Variants in EDN2 observed in about 807,000 individuals in gnomAD.
EDN2 encodes the protein endothelin 2.
In EDN2, 10 loss-of-function variants were observed where a neutral mutation model predicts 19.9. The observed-to-expected ratio is 0.50, with a 90% CI of 0.31 to 0.85. The LOEUF is 0.85. Ranked by LOEUF, EDN2 falls within the 40% of genes least tolerant of loss-of-function variation. The pLI is 0.05. For synonymous variants in EDN2, 84 were observed against 94.9 expected, an observed-to-expected ratio of 0.89 and a Z score of 0.67; for missense variants, 222 against 239.3, an observed-to-expected ratio of 0.93 and a Z score of 0.48.
At chr1:41,482,077 G>A (rs1490076327) in intron 3 of EDN2, among the ~76,000 whole-genome samples, 4 of 152,194 alleles carry the variant, frequency 2.6e-5, no homozygotes, top group East Asian at 3.9e-4. Context: ...ACCTCAGGTC[G>A]GAATCCAAAG....
chr1:41,481,245 C>T, intron 3 of EDN2, 52 bp from the exon 4 acceptor site: 2 of 1,529,032 alleles, frequency 1.3e-6, no homozygotes, highest in South Asian at 1.1e-5. Flanking sequence ...GGCCCTGAAG[C>T]TACCTGGCTG....
intron 4 of EDN2, chr1:41,480,732 G>GCAGC: frequency 2.1e-6 from 1 of 482,150 alleles, no homozygotes; most frequent in East Asian, 6.2e-5. Context: ...TGCAATCTGG[G>GCAGC]CAGCAGAGAG....
rs149196973 is a variant in EDN2 at position 41,481,141 on chromosome 1, T to C, written c.397A>G (p.Thr133Ala). Residue 133 changes from threonine to alanine, a missense_variant, in exon 4 of 5, where the codon ACT (threonine) becomes GCT (alanine). Thr to Ala is a moderately conservative substitution (Grantham distance 58). Transcript: ENST00000372587. ...SRKSPADVFQ[T>A]GKTGATTGEL... ...CCTGTAGTGGCCCCTGTCTTGCCAG[T>C]CTGGAACACGTCTGCAGGGGACTTC... 177 of 1,614,072 alleles carry C rather than the reference T, an allele frequency of 1.1e-4. No homozygotes were observed. The African/African-American group carries it at 1.9e-3, about 18-fold the overall frequency.
chr1:41,481,259 G>C (rs967072802), intron 3 of EDN2, 66 bp from the exon 4 acceptor site: 1 of 1,340,578 alleles, frequency 7.5e-7, no homozygotes, highest in African/African-American at 1.4e-5. Flanking sequence ...CTGGCTGCAG[G>C]CCCAGCCCAG....
rs1447789068 is a variant in EDN2, at chr1:41,481,088, C to A, written c.443+7G>T. The A allele has an allele frequency of 2.5e-6, 4 of 1,611,274 alleles. No homozygotes were observed. The highest frequency in any genetic ancestry group is 3.4e-6 in the Non-Finnish European group (4 of 1,177,514). On this transcript the variant is annotated splice_region_variant and intron_variant, in intron 4 of 4. Transcript: ENST00000372587. ...GCTCAGTCTGTGCATGTGTCCCACG[C>A]CCTCACCTCAGCCTTTGGAGAAGCT...
In EDN2 at chr1:41,484,634, C is replaced by T. The variant is rs774907354; in HGVS notation, c.-33G>A. 2 of 1,551,208 alleles carry T rather than the reference C, an allele frequency of 1.3e-6. No individual in the cohort carries two copies. Among genetic ancestry groups the T allele is most frequent in the East Asian group, 2.4e-5 (1 of 40,966 alleles). On this transcript the variant is annotated 5_prime_UTR_variant, in exon 1 of 5. Transcript: ENST00000372587. ...GTGGAGCGCGCAGGCTGGACTGGAG[C>T]AGGGAGTGCCTGTTGCCAGCGTCCT...
chr1:41,479,089 G>A lies in EDN2; in HGVS notation c.*320C>T, dbSNP rs1644224120. On this transcript the variant is annotated 3_prime_UTR_variant, in exon 5 of 5. Transcript: ENST00000372587. ...CTCCTGGTTTGTAGCCCAGCAGACA[G>A]GACACTCCTCAGGACGCAGCCTCCA... 1 of 411,666 alleles carries A rather than the reference G, an allele frequency of 2.4e-6. No homozygotes were observed. The highest frequency in any genetic ancestry group is 5.6e-5 in the East Asian group (1 of 17,716). The allele number at this position is 411,666 out of a possible 1,614,324, so 25.5% of individuals were successfully genotyped here. A position where few individuals can be genotyped will look rare whatever the true frequency, so the allele number is the denominator to read the frequency against.
intron 3 of EDN2, 73 bp from the exon 4 acceptor site, chr1:41,481,266 C>T (rs1644245297): frequency 8.0e-7 from 1 of 1,249,120 alleles, no homozygotes; most frequent in Non-Finnish European, 1.1e-6. Context: ...CAGGCCCAGC[C>T]CAGCCCCCAC....
In EDN2 at chr1:41,482,534, C is replaced by A. The variant is rs138778457; in HGVS notation, c.276G>T (p.Leu92=). The A allele has an allele frequency of 3.9e-4, 618 of 1,590,720 alleles. No individual in the cohort carries two copies. Among genetic ancestry groups the A allele is most frequent in the Non-Finnish European group, 4.8e-4 (562 of 1,170,506 alleles). Residue 92 remains leucine (L), a synonymous_variant, in exon 3 of 5, where the codon CTG becomes CTT. Coordinates refer to ENST00000372587, the MANE Select transcript of EDN2 (RefSeq NM_001956.5). The part of the protein sequence containing the change: ...GNPPRRRRRS[L]PRRCQCSSAR... ...CACTGGAGCACTGACAGCGCCTTGGCAGGGAGCGGCGCCGGCGTCTTGGCG... is the reference window on the plus strand; with the variant it reads ...CACTGGAGCACTGACAGCGCCTTGGAAGGGAGCGGCGCCGGCGTCTTGGCG...
chr1:41,479,623 TGG>T, intron 4 of EDN2, 121 bp from the exon 5 acceptor site: 2 of 828,774 alleles, frequency 2.4e-6, no homozygotes, highest in Non-Finnish European at 3.9e-6. Flanking sequence ...ACAGCGGCCC[TGG>T]GGTCAGACAG....
intron 2 of EDN2, chr1:41,483,720 A>G (rs1569591622): frequency 8.7e-6 from 2 of 228,804 alleles, no homozygotes; most frequent in South Asian, 9.3e-5. Context: ...GCATTCCCCA[A>G]CCGAGGATGG....
intron 4 of EDN2, 193 bp downstream of exon 4, chr1:41,480,887 AAAGAGCACAGTGGGT>A: frequency 3.0e-6 from 2 of 669,808 alleles, no homozygotes; most frequent in Non-Finnish European, 5.5e-6. Flanking sequence ...TAGTGGTAAC[AAAGAGCACAGTGGGT>A]AAGAGCACAG....
intron 4 of EDN2, among the ~76,000 whole-genome samples, chr1:41,480,338 C>T (rs1362307169): frequency 1.3e-5 from 2 of 152,146 alleles, no homozygotes; most frequent in African/African-American, 4.8e-5. Flanking sequence ...CTGTGAGGAA[C>T]CCTCAGTGAC....
In EDN2 at chr1:41,484,586, T is replaced by A; in HGVS notation, c.16A>T (p.Thr6Ser). The change falls in exon 1 of 5, where the codon ACC (threonine) becomes TCC (serine). Residue 6 changes from threonine to serine, a missense_variant. By Grantham distance (58) the Thr-to-Ser change is moderately conservative. Transcript: ENST00000372587. MVSVP[T>S]TWCSVALALL... ...GCTAGCGCAACGGAGCACCAGGTGG[T>A]AGGCACGGAGACCATAGCGGCGGTG... 6.4e-7 allele frequency: 1 copy of A among 1,560,086 alleles called. No individual in the cohort carries two copies. The highest frequency in any genetic ancestry group is 8.7e-7 in the Non-Finnish European group (1 of 1,152,150).
At chr1:41,481,566 T>A (rs1282612222) in intron 3 of EDN2, among the ~76,000 whole-genome samples, 1 of 146,732 alleles carries the variant, frequency 6.8e-6, no homozygotes, top group Non-Finnish European at 1.5e-5. Context: ...TGAGACTGAG[T>A]TTCACTCTTG....
chr1:41,482,725 C>T lies in EDN2; in HGVS notation c.222-137G>A. ...CTGTCCACACTGCCCACTGGGACAG[C>T]CACCCATGCCAGCAGGGTGCCAATG... On this transcript the variant is annotated intron_variant, in intron 2 of 4. Transcript: ENST00000372587. 5 of 1,215,380 alleles carry T rather than the reference C, an allele frequency of 4.1e-6. No individual in the cohort carries two copies. The South Asian group carries it at 5.7e-5, about 14-fold the overall frequency. 75.3% of individuals were successfully genotyped at this position (1,215,380 alleles called of 1,614,324 possible).
chr1:41,484,644 C>A lies in EDN2; in HGVS notation c.-43G>T. The A allele has an allele frequency of 6.5e-7, 1 of 1,548,374 alleles. No individual in the cohort carries two copies. The highest frequency in any genetic ancestry group is 8.7e-7 in the Non-Finnish European group (1 of 1,144,808). ...CAGGCTGGACTGGAGCAGGGAGTGC[C>A]TGTTGCCAGCGTCCTGCTATTAAGC... On this transcript the variant is annotated 5_prime_UTR_variant, in exon 1 of 5. The change creates a new upstream start codon in the 5' untranslated region. Coordinates refer to ENST00000372587, the MANE Select transcript of EDN2 (RefSeq NM_001956.5).
chr1:41,480,957 G>C, intron 4 of EDN2, 138 bp downstream of exon 4: 1 of 713,216 alleles, frequency 1.4e-6, no homozygotes, highest in Non-Finnish European at 2.4e-6. Context: ...GTGACTTTGG[G>C]CAAGTGGCTT....
chr1:41,484,023 C>A (rs1644270152), intron 2 of EDN2, 24 bp downstream of exon 2: 3 of 1,568,914 alleles, frequency 1.9e-6, no homozygotes, highest in East Asian at 4.7e-5. Flanking sequence ...GCTCCCCCTG[C>A]CCCCAATCCC....
Sources: gnomAD v4.1 joint callset for allele counts (sites outside exome capture counted in the v4.1 genomes callset) on GRCh38, gnomAD v4.1.1 for gene constraint, MANE v1.5 for transcripts, NCBI Gene and HGNC (gene_info 2026-07-23, HGNC 2026-07-21) for gene names.